Variants in PCDHA8 observed in about 807,000 individuals in gnomAD.
The protein encoded by PCDHA8 is protocadherin alpha 8.
In PCDHA8, 53 loss-of-function variants were observed where a neutral mutation model predicts 61.8. That is an observed-to-expected ratio of 0.86 (90% CI 0.69 to 1.08). The LOEUF (loss-of-function observed/expected upper bound fraction) is 1.08. Among genes scored for constraint, PCDHA8 ranks in the 50% least tolerant of loss-of-function variants. The pLI is 0.00. For synonymous variants in PCDHA8, 618 were observed against 556.6 expected, an observed-to-expected ratio of 1.11 and a Z score of -1.55; for missense variants, 1,293 against 1,245.0, an observed-to-expected ratio of 1.04 and a Z score of -0.58.
intron 1 of PCDHA8, chr5:140,863,119 A>G: frequency 1.7e-6 from 1 of 591,284 alleles, no homozygotes. Context: ...GGCGAAAGCT[A>G]CGCGCCACCG....
intron 1 of PCDHA8, among the ~76,000 whole-genome samples, chr5:140,977,003 T>G (rs1382476176): frequency 6.6e-6 from 1 of 152,248 alleles, no homozygotes; most frequent in Non-Finnish European, 1.5e-5. Flanking sequence ...AGAAATCTTG[T>G]AACTGTGATT....
At chr5:140,877,193 G>A (rs1554169443) in intron 1 of PCDHA8, 1 of 1,613,832 alleles carries the variant, frequency 6.2e-7, no homozygotes, top group Non-Finnish European at 8.5e-7. Context: ...GGCAGCGCAG[G>A]AGGCGCAGTT....
intron 1 of PCDHA8, chr5:140,884,715 AGTT>A: frequency 6.8e-7 from 1 of 1,470,936 alleles, no homozygotes; most frequent in Non-Finnish European, 9.0e-7. Context: ...CCTTCCTTGC[AGTT>A]GTTTGTTTAA....
chr5:140,921,942 C>G (rs1025333030), intron 1 of PCDHA8, among the ~76,000 whole-genome samples: 3 of 151,730 alleles, frequency 2.0e-5, no homozygotes, highest in Non-Finnish European at 4.4e-5. Context: ...TAATTTTACA[C>G]TTGTAAAATC....
intron 3 of PCDHA8, among the ~76,000 whole-genome samples, chr5:141,002,460 C>T (rs1554258683): frequency 2.0e-5 from 3 of 152,174 alleles, no homozygotes; most frequent in African/African-American, 7.2e-5. Context: ...ATTTGTATAA[C>T]GCTTTAGCAT....
At chr5:140,966,792 C>T (rs1182470326) in intron 1 of PCDHA8, 4 of 1,530,564 alleles carry the variant, frequency 2.6e-6, no homozygotes, top group Non-Finnish European at 2.6e-6. Context: ...ACCAGACCTG[C>T]GGCGACAGAG....
chr5:140,985,283 A>G (rs955144760), intron 3 of PCDHA8, among the ~76,000 whole-genome samples: 6 of 152,020 alleles, frequency 3.9e-5, no homozygotes, highest in Admixed American at 1.3e-4. Context: ...TCTGCAATCT[A>G]TGATATAGTG....
intron 2 of PCDHA8, 80 bp downstream of exon 2, chr5:140,979,087 A>C (rs1284249394): frequency 6.4e-7 from 1 of 1,561,170 alleles, no homozygotes; most frequent in Non-Finnish European, 8.7e-7. Flanking sequence ...CATAGGCCAG[A>C]AGCAGCTGTC....
intron 1 of PCDHA8, among the ~76,000 whole-genome samples, chr5:140,949,595 G>A (rs1342869045): frequency 1.3e-5 from 2 of 151,566 alleles, no homozygotes; most frequent in Admixed American, 6.6e-5. Context: ...TATTAATGTG[G>A]CCATTCTAGT....
At chr5:140,979,051 G>T (rs1554240209) in intron 2 of PCDHA8, 44 bp downstream of exon 2, 1 of 1,609,534 alleles carries the variant, frequency 6.2e-7, no homozygotes, top group South Asian at 1.1e-5. Flanking sequence ...ACCTTAACTT[G>T]GTATGGCTCA....
intron 1 of PCDHA8, chr5:140,883,758 G>A (rs781858673): frequency 3.1e-6 from 5 of 1,612,920 alleles, no homozygotes; most frequent in South Asian, 1.1e-5. Context: ...CTGGTGGAGC[G>A]GCGGGTGGGC....
chr5:140,905,991 G>C (rs1377300111), intron 1 of PCDHA8, among the ~76,000 whole-genome samples: 1 of 152,156 alleles, frequency 6.6e-6, no homozygotes, highest in Non-Finnish European at 1.5e-5. Flanking sequence ...AAAGATGTAG[G>C]CTGGGAGGCT....
rs1229783262 is a variant in PCDHA8 at position 140,850,596 on chromosome 5, A to G, written c.2394+6881A>G. ...GCTGGTGGATGTCAACGTGTACCTG[A>G]TCATCGCCATCTGCGCGGTGTCTAG... On this transcript the variant is annotated intron_variant, in intron 1 of 3. Coordinates refer to ENST00000531613, the MANE Select transcript of PCDHA8 (RefSeq NM_018911.3). 2 of 1,598,308 alleles carry G rather than the reference A, an allele frequency of 1.3e-6. 1 individual carries two copies. The highest frequency in any genetic ancestry group is 1.7e-6 in the Non-Finnish European group (2 of 1,167,786).
intron 3 of PCDHA8, among the ~76,000 whole-genome samples, chr5:140,997,287 A>G (rs1011963664): frequency 2.0e-5 from 3 of 152,280 alleles, no homozygotes; most frequent in Admixed American, 1.3e-4. Context: ...TCACTTAACA[A>G]TGGGGATACA....
intron 1 of PCDHA8, chr5:140,927,041 T>G (rs1242687827): frequency 9.9e-6 from 16 of 1,612,338 alleles, no homozygotes; most frequent in Non-Finnish European, 1.0e-5. Context: ...GCGGCCGCTA[T>G]GTCCTCGCGG....
chr5:140,861,476 C>A, intron 1 of PCDHA8: 2 of 493,220 alleles, frequency 4.1e-6, no homozygotes, highest in Admixed American at 2.1e-5. Flanking sequence ...TGCAGAATGG[C>A]ATTTTTGTGA....
At chr5:140,870,534 G>C (rs547039725) in intron 1 of PCDHA8, 2 of 1,614,032 alleles carry the variant, frequency 1.2e-6, no homozygotes, top group Non-Finnish European at 1.7e-6. Flanking sequence ...TCACAGTGTC[G>C]GCGCGGGACG....
chr5:140,872,792 G>T (rs1474880199), intron 1 of PCDHA8, among the ~76,000 whole-genome samples: 1 of 152,054 alleles, frequency 6.6e-6, no homozygotes, highest in African/African-American at 2.4e-5. Context: ...ATGCTAGTTG[G>T]CATTCTTCCA....
chr5:140,883,594 G>C (rs1562791129), intron 1 of PCDHA8: 5 of 1,614,032 alleles, frequency 3.1e-6, no homozygotes, highest in South Asian at 1.1e-5. Context: ...CCAGCGTGTC[G>C]GTGGGGGTGG....
Sources: gnomAD v4.1 joint callset for allele counts (sites outside exome capture counted in the v4.1 genomes callset) on GRCh38, gnomAD v4.1.1 for gene constraint, MANE v1.5 for transcripts, NCBI Gene and HGNC (gene_info 2026-07-23, HGNC 2026-07-21) for gene names.